The following FHIT variants were observed in gnomAD, a reference collection of about 807,000 sequenced individuals.
The protein encoded by FHIT is fragile histidine triad diadenosine triphosphatase.
A neutral mutation model predicts 17.9 loss-of-function variants in FHIT; 19 were observed. The ratio of observed to expected loss-of-function variants is 1.06; its 90% confidence interval spans 0.74 to 1.56. The LOEUF (loss-of-function observed/expected upper bound fraction) is 1.56. FHIT is among the 40% of genes most tolerant of loss of function. FHIT has a pLI of 0.00. For synonymous variants in FHIT, 81 were observed against 69.7 expected (o/e 1.16, Z -0.81); for missense variants, 248 against 189.2 (o/e 1.31, Z -1.82).
chr3:60,190,171 G>A (rs1322408689), intron 5 of FHIT, among the ~76,000 whole-genome samples: 1 of 152,188 alleles, frequency 6.6e-6, no homozygotes, highest in Non-Finnish European at 1.5e-5. Flanking sequence ...CATTTGGAAA[G>A]TTGAATTGTG....
At chr3:60,130,172 C>T (rs1448281028) in intron 5 of FHIT, among the ~76,000 whole-genome samples, 1 of 152,122 alleles carries the variant, frequency 6.6e-6, no homozygotes, top group African/African-American at 2.4e-5. Context: ...GGGAAAGGTC[C>T]CCATGTCTGG....
At chr3:59,923,669 G>A (rs1169121457) in intron 7 of FHIT, among the ~76,000 whole-genome samples, 1 of 152,154 alleles carries the variant, frequency 6.6e-6, no homozygotes, top group Non-Finnish European at 1.5e-5. Context: ...CGAAAATGAA[G>A]AGCTTAAATA....
At chr3:60,112,712 G>A (rs1484957148) in intron 5 of FHIT, among the ~76,000 whole-genome samples, 1 of 152,110 alleles carries the variant, frequency 6.6e-6, no homozygotes, top group African/African-American at 2.4e-5. Flanking sequence ...AGGATAGAAT[G>A]GAAACTACAT....
intron 8 of FHIT, among the ~76,000 whole-genome samples, chr3:59,797,384 A>C (rs1699819868): frequency 6.6e-6 from 1 of 152,074 alleles, no homozygotes; most frequent in African/African-American, 2.4e-5. Context: ...ATGGGGTTTT[A>C]CTATGTTGGC....
At chr3:60,955,480 A>G (rs1169448789) in intron 3 of FHIT, among the ~76,000 whole-genome samples, 4 of 151,858 alleles carry the variant, frequency 2.6e-5, no homozygotes, top group South Asian at 2.1e-4. Context: ...TATGTATGCC[A>G]TGATGGAAGA....
At chr3:60,889,281 A>C (rs1326045100) in intron 3 of FHIT, among the ~76,000 whole-genome samples, 4 of 152,200 alleles carry the variant, frequency 2.6e-5, no homozygotes, top group African/African-American at 9.6e-5. Flanking sequence ...AGCAGGGGCC[A>C]TGTGCCTCAG....
chr3:59,751,526 T>G (rs1700900862), intron 9 of FHIT: 1 of 215,310 alleles, frequency 4.6e-6, no homozygotes, highest in African/African-American at 2.3e-5. Context: ...CATGAGCTCG[T>G]TAGACACTGC....
intron 5 of FHIT, among the ~76,000 whole-genome samples, chr3:60,052,909 G>C (rs1201686522): frequency 6.6e-6 from 1 of 151,716 alleles, no homozygotes; most frequent in Non-Finnish European, 1.5e-5. Context: ...TTATCAGAAA[G>C]TCAAATTTAT....
Position 60,574,475 on chromosome 3 carries a change from C to CAGTTGAGG in FHIT, c.-17-37504_-17-37497dup, listed in dbSNP as rs376768759. Among the ~76,000 whole-genome samples, 856 of 151,830 alleles carry CAGTTGAGG rather than the reference C, an allele frequency of 5.6e-3. 15 individuals are homozygous for CAGTTGAGG. Among genetic ancestry groups the CAGTTGAGG allele is most frequent in the African/African-American group, 0.02 (826 of 41,388 alleles). ...CAGTGTGGTACCTGGTGATGGGGCACAGTTGAGGCAGGCACTACGAGCTTA... is the reference window on the plus strand; with the variant it reads ...CAGTGTGGTACCTGGTGATGGGGCACAGTTGAGGAGTTGAGGCAGGCACTACGAGCTTA... On this transcript the variant is annotated intron_variant, in intron 4 of 9. Coordinates refer to ENST00000492590, the MANE Select transcript of FHIT (RefSeq NM_002012.4).
At chr3:60,969,837 T>C (rs1177732713) in intron 3 of FHIT, among the ~76,000 whole-genome samples, 1 of 152,148 alleles carries the variant, frequency 6.6e-6, no homozygotes, top group Non-Finnish European at 1.5e-5. Context: ...ACAAGTGGTG[T>C]TTGAATCTTC....
chr3:61,078,300 A>G (rs998086756), intron 2 of FHIT, among the ~76,000 whole-genome samples: 3 of 152,136 alleles, frequency 2.0e-5, no homozygotes, highest in African/African-American at 7.2e-5. Context: ...TTATTCACCC[A>G]TCGCTCTAAC....
In FHIT at chr3:60,014,165, C is replaced by A; in HGVS notation, c.104-13G>T. Reference sequence around the variant, plus strand: ...CACACAAGGACATCTGTAGCAAGGTCTGTTAAGGCCCATGCTGCTGGCTTT... The same window carrying A: ...CACACAAGGACATCTGTAGCAAGGTATGTTAAGGCCCATGCTGCTGGCTTT... On this transcript the variant is annotated splice_polypyrimidine_tract_variant and intron_variant, in intron 5 of 9. Transcript: ENST00000492590. 2 of 1,613,638 alleles carry A rather than the reference C, an allele frequency of 1.2e-6. No individual in the cohort carries two copies. The highest frequency in any genetic ancestry group is 1.7e-6 in the Non-Finnish European group (2 of 1,179,786).
At chr3:60,757,604 G>C (rs1553718639) in intron 4 of FHIT, among the ~76,000 whole-genome samples, 1 of 152,166 alleles carries the variant, frequency 6.6e-6, no homozygotes, top group African/African-American at 2.4e-5. Flanking sequence ...AGCTCTTCCT[G>C]GGAAGTGGCA....
chr3:59,781,932 GCT>G (rs1702603958), intron 8 of FHIT, among the ~76,000 whole-genome samples: 1 of 152,174 alleles, frequency 6.6e-6, no homozygotes, highest in Non-Finnish European at 1.5e-5. Context: ...GGAGCCCTTT[GCT>G]ATCATGACAT....
At chr3:60,744,258 C>CAAAAAAAAAAAAAAAAAAAAAAAA (rs371224955) in intron 4 of FHIT, among the ~76,000 whole-genome samples, 10 of 95,616 alleles carry the variant, frequency 1.0e-4, no homozygotes, top group East Asian at 2.8e-4. Context: ...AAAAAAAAAA[C>CAAAAAAAAAAAAAAAAAAAAAAAA]AAAACAAAAC....
At chr3:60,636,184 C>T (rs1553683817) in intron 4 of FHIT, among the ~76,000 whole-genome samples, 1 of 152,108 alleles carries the variant, frequency 6.6e-6, no homozygotes, top group African/African-American at 2.4e-5. Context: ...GAGTCTCCTG[C>T]TTCAGCCTCC....
chr3:60,357,442 G>A (rs1225198181), intron 5 of FHIT, among the ~76,000 whole-genome samples: 2 of 151,902 alleles, frequency 1.3e-5, no homozygotes, highest in Non-Finnish European at 2.9e-5. Context: ...ACAGGGTTTC[G>A]CTATGTTGGT....
chr3:60,832,251 T>C (rs1273304733), intron 3 of FHIT, among the ~76,000 whole-genome samples: 1 of 152,166 alleles, frequency 6.6e-6, no homozygotes, highest in Non-Finnish European at 1.5e-5. Context: ...AAAAGAGTTC[T>C]ATTGTTTTGA....
At chr3:60,162,107 G>T in intron 5 of FHIT, among the ~76,000 whole-genome samples, 1 of 152,152 alleles carries the variant, frequency 6.6e-6, no homozygotes, top group East Asian at 1.9e-4. Context: ...CCAGCTCTGT[G>T]AGGAGACAGA....
Sources: gnomAD v4.1 joint callset for allele counts (sites outside exome capture counted in the v4.1 genomes callset) on GRCh38, gnomAD v4.1.1 for gene constraint, MANE v1.5 for transcripts, NCBI Gene and HGNC (gene_info 2026-07-23, HGNC 2026-07-21) for gene names.